The following RPS17 variants were observed in gnomAD, a reference collection of about 807,000 sequenced individuals.
RPS17 encodes the protein ribosomal protein S17.
For missense variants in RPS17, 68 were observed against 182.3 expected (o/e 0.37, Z 3.61); for synonymous variants, 75 against 65.6 (o/e 1.14, Z -0.70).
Position 82,537,247 on chromosome 15 carries a change from T to C in RPS17, c.328-366A>G, listed in dbSNP as rs1222771329. The stretch of plus-strand genomic sequence containing the variant: ...TTGTTATAGGCAGCTGTACTGTGTA[T>C]TGCAGAAAGTTTAGCAACATCCTTG... On this transcript the variant is annotated intron_variant, in intron 4 of 4. Coordinates refer to ENST00000647841, the MANE Select transcript of RPS17 (RefSeq NM_001021.6). 1.3e-4 allele frequency: 47 copies of C among 366,820 alleles called. No individual in the cohort carries two copies. In the East Asian group the frequency reaches 2.4e-3, roughly 19 times the overall value. The allele number at this position is 366,820 out of a possible 1,614,324, so 22.7% of individuals were successfully genotyped here.
chr15:82,538,549 C>T (rs2034280524), intron 3 of RPS17, 178 bp from the exon 4 acceptor site: 2 of 750,514 alleles, frequency 2.7e-6, no homozygotes, highest in Non-Finnish European at 4.7e-6. Flanking sequence ...TTCTTCTGGC[C>T]TTACCTTCCC....
At chr15:82,539,011 AAC>A in intron 2 of RPS17, 26 bp from the exon 3 acceptor site, 1 of 1,610,618 alleles carries the variant, frequency 6.2e-7, no homozygotes, top group East Asian at 2.2e-5. Context: ...AGCCAAAGAG[AAC>A]AGTGAGAAGA....
chr15:82,540,344 C>T (rs1317690064), intron 1 of RPS17, 82 bp downstream of exon 1: 45 of 1,582,180 alleles, frequency 2.8e-5, no homozygotes, highest in Non-Finnish European at 3.8e-5. Context: ...CGGCCCAGGG[C>T]CTCTCTGTGG....
chr15:82,536,756 G>C lies in RPS17; in HGVS notation c.*45C>G. ...CTGCAAAGATGACACAGGCAAGGCT[G>C]TTGTCCCAGATTTATTGAAAATAAT... On this transcript the variant is annotated 3_prime_UTR_variant, in exon 5 of 5. Transcript: ENST00000647841. 4 of 1,608,814 alleles carry C rather than the reference G, an allele frequency of 2.5e-6. No individual in the cohort carries two copies. The highest frequency in any genetic ancestry group is 3.4e-6 in the Non-Finnish European group (4 of 1,175,162).
chr15:82,537,248 TGCA>T, intron 4 of RPS17: 1 of 364,954 alleles, frequency 2.7e-6, no homozygotes, highest in South Asian at 2.5e-5. Flanking sequence ...TACTGTGTAT[TGCA>T]GAAAGTTTAG....
chr15:82,538,380 A>C lies in RPS17; in HGVS notation c.262-9T>G. Reference sequence around the variant, plus strand: ...TGATCCAAGGCTGAGACCTACAAGGAAACGAGGTAGGGTCAAAATACCAAT... The same window carrying C: ...TGATCCAAGGCTGAGACCTACAAGGCAACGAGGTAGGGTCAAAATACCAAT... On this transcript the variant is annotated splice_polypyrimidine_tract_variant and intron_variant, in intron 3 of 4. Coordinates refer to ENST00000647841, the MANE Select transcript of RPS17 (RefSeq NM_001021.6). The C allele has an allele frequency of 1.9e-6, 3 of 1,612,038 alleles. No homozygotes were observed. The highest frequency in any genetic ancestry group is 2.5e-6 in the Non-Finnish European group (3 of 1,179,664).
Position 82,538,386 on chromosome 15 carries a change from G to A in RPS17, c.262-15C>T, listed in dbSNP as rs2034277278. The A allele has an allele frequency of 9.9e-6, 16 of 1,611,634 alleles. No homozygotes were observed. The highest frequency in any genetic ancestry group is 1.7e-5 in the Admixed American group (1 of 60,008). ...AAGGCTGAGACCTACAAGGAAACGA[G>A]GTAGGGTCAAAATACCAATCAATGA... On this transcript the variant is annotated splice_polypyrimidine_tract_variant and intron_variant, in intron 3 of 4. Coordinates refer to ENST00000647841, the MANE Select transcript of RPS17 (RefSeq NM_001021.6).
At chr15:82,540,180 G>A in intron 1 of RPS17, 48 bp from the exon 2 acceptor site, 2 of 1,613,438 alleles carry the variant, frequency 1.2e-6, no homozygotes, top group Non-Finnish European at 1.7e-6. Flanking sequence ...GCAACCTTCT[G>A]GGAAGAGTGC....
At position 82,539,974 on chromosome 15, in the gene RPS17, G is replaced by C. The variant is rs2034317048; in HGVS notation, c.155+7C>G. Reference sequence around the variant, plus strand: ...GAGCCCCGGAGGCCGAGGAAGGCCCGACTCACCCTGCTATCTTGTTGCGGA... The same window carrying C: ...GAGCCCCGGAGGCCGAGGAAGGCCCCACTCACCCTGCTATCTTGTTGCGGA... On this transcript the variant is annotated splice_region_variant and intron_variant, in intron 2 of 4. Transcript: ENST00000647841. 1 of 1,611,944 alleles carries C rather than the reference G, an allele frequency of 6.2e-7. No homozygotes were observed. Among genetic ancestry groups the C allele is most frequent in the Non-Finnish European group, 8.5e-7 (1 of 1,179,888 alleles).
intron 4 of RPS17, chr15:82,537,211 C>T: frequency 2.3e-6 from 1 of 439,838 alleles, no homozygotes; most frequent in Non-Finnish European, 4.2e-6. Flanking sequence ...ACATCCTGGG[C>T]TGGACATTCT....
At chr15:82,539,461 G>A in intron 2 of RPS17, 1 of 459,186 alleles carries the variant, frequency 2.2e-6, no homozygotes, top group East Asian at 6.9e-5. Context: ...GCCGAGGCGG[G>A]CGGATCGCTT....
At position 82,538,363 on chromosome 15, in the gene RPS17, G is replaced by A. The variant is rs2150887443; in HGVS notation, c.270C>T (p.Ala90=). Residue 90 remains alanine (A), a synonymous_variant, in exon 4 of 5, where the codon GCC becomes GCT. Transcript: ENST00000647841. ...CTACTTCAATAATCTCCTGATCCAAGGCTGAGACCTACAAGGAAACGAGGT... is the reference window on the plus strand; with the variant it reads ...CTACTTCAATAATCTCCTGATCCAAAGCTGAGACCTACAAGGAAACGAGGT... ...RRDNYVPEVS[A]LDQEIIEVDP... 1 of 1,612,366 alleles carries A rather than the reference G, an allele frequency of 6.2e-7. No individual in the cohort carries two copies. Among genetic ancestry groups the A allele is most frequent in the Middle Eastern group, 2.1e-4 (1 of 4,856 alleles).
Position 82,538,953 on chromosome 15 carries a change from C to A in RPS17, c.188G>T (p.Arg63Ile), listed in dbSNP as rs2034289143. Residue 63 changes from arginine to isoleucine, a missense_variant, in exon 3 of 5, where the codon AGA (arginine) becomes ATA (isoleucine). Arg to Ile is a moderately conservative substitution (Grantham distance 97). Transcript: ENST00000647841. ...YVTHLMKRIQRGPVRGISIKL... is the reference protein window; with the variant it reads ...YVTHLMKRIQIGPVRGISIKL... ...GATGGAGATACCTCTTACTGGGCCT[C>A]TCTGAATTCGCTTCATCAGATGCGT... 3.1e-6 allele frequency: 5 copies of A among 1,614,010 alleles called. No homozygotes were observed. Among genetic ancestry groups the A allele is most frequent in the Non-Finnish European group, 4.2e-6 (5 of 1,179,882 alleles).
At position 82,539,719 on chromosome 15, in the gene RPS17, G is replaced by T. The variant is rs924529358; in HGVS notation, c.155+262C>A. On this transcript the variant is annotated intron_variant, in intron 2 of 4. Coordinates refer to ENST00000647841, the MANE Select transcript of RPS17 (RefSeq NM_001021.6). ...AAAAAGAAAAAAAAGAAAGAAAAAA[G>T]TTGACAACTAAAAGCAACGTAGCTT... 3.0e-3 allele frequency: 1,864 copies of T among 615,980 alleles called. 25 individuals are homozygous for T. Among genetic ancestry groups the T allele is most frequent in the African/African-American group, 0.03 (1,596 of 54,046 alleles). The allele number at this position is 615,980 out of a possible 1,614,324, so 38.2% of individuals were successfully genotyped here.
At chr15:82,539,493 G>A in intron 2 of RPS17, 2 of 458,246 alleles carry the variant, frequency 4.4e-6, no homozygotes, top group South Asian at 3.1e-5. Flanking sequence ...TTCGAGACCA[G>A]CCTGGTCAAC....
chr15:82,539,910 C>T (rs2034314722), intron 2 of RPS17, 71 bp downstream of exon 2: 2 of 1,610,590 alleles, frequency 1.2e-6, no homozygotes, highest in Non-Finnish European at 1.7e-6. Flanking sequence ...ACCGTCTCTT[C>T]CCGAGTCGGA....
intron 2 of RPS17, chr15:82,539,393 G>A (rs1012925643): frequency 1.3e-5 from 6 of 463,680 alleles, no homozygotes; most frequent in South Asian, 7.7e-5. Flanking sequence ...GTAAGCATTA[G>A]AAGTTGACAT....
chr15:82,537,125 T>C (rs1472903170), intron 4 of RPS17: 6 of 600,180 alleles, frequency 1.0e-5, no homozygotes, highest in Admixed American at 2.9e-5. Flanking sequence ...CAATGTACCA[T>C]GCCATTTGTA....
chr15:82,538,646 G>C, intron 3 of RPS17: 1 of 651,854 alleles, frequency 1.5e-6, no homozygotes. Context: ...AGCCACGACA[G>C]CAGTCATCAA....
Sources: allele counts gnomAD v4.1 joint callset, GRCh38; gene constraint gnomAD v4.1.1; transcripts MANE v1.5; gene names NCBI Gene and HGNC (gene_info 2026-07-23, HGNC 2026-07-21).